Variants in KLHL1 observed in about 807,000 individuals in gnomAD.
KLHL1 encodes the protein kelch like family member 1.
A neutral mutation model predicts 77.7 loss-of-function variants in KLHL1; 47 were observed. The observed-to-expected ratio is 0.60, with a 90% CI of 0.48 to 0.77. The LOEUF is 0.77. Among genes scored for constraint, KLHL1 ranks in the 30% least tolerant of loss-of-function variants. KLHL1 has a pLI of 0.00. For synonymous variants in KLHL1, 360 were observed against 325.2 expected (o/e 1.11, Z -1.15); for missense variants, 925 against 910.8 (o/e 1.02, Z -0.20).
At chr13:69,961,937 G>A (rs1319546755) in intron 2 of KLHL1, among the ~76,000 whole-genome samples, 2 of 151,802 alleles carry the variant, frequency 1.3e-5, no homozygotes, top group African/African-American at 4.8e-5. Context: ...TTAACTATTA[G>A]TAACATATTA....
chr13:70,063,435 A>T (rs938794236), intron 1 of KLHL1, among the ~76,000 whole-genome samples: 10 of 152,212 alleles, frequency 6.6e-5, no homozygotes, highest in African/African-American at 2.4e-4. Flanking sequence ...ATGGCTTCTG[A>T]CTTGATCACT....
chr13:70,069,815 G>T (rs1006758204), intron 1 of KLHL1, among the ~76,000 whole-genome samples: 1 of 151,352 alleles, frequency 6.6e-6, no homozygotes, highest in Non-Finnish European at 1.5e-5. Context: ...CAAAGCTGTG[G>T]GACAATTACA....
intron 1 of KLHL1, among the ~76,000 whole-genome samples, chr13:70,026,191 T>A (rs2137359106): frequency 6.6e-6 from 1 of 152,222 alleles, no homozygotes; most frequent in East Asian, 1.9e-4. Context: ...CAAAGAGGGC[T>A]CCACACAGAA....
intron 1 of KLHL1, among the ~76,000 whole-genome samples, chr13:70,017,650 G>T (rs1885691304): frequency 6.6e-6 from 1 of 152,190 alleles, no homozygotes; most frequent in South Asian, 2.1e-4. Flanking sequence ...GCAGGTATGA[G>T]CAATACTCAG....
chr13:69,824,367 A>T (rs931494173), intron 6 of KLHL1, among the ~76,000 whole-genome samples: 11 of 152,074 alleles, frequency 7.2e-5, no homozygotes, highest in Non-Finnish European at 1.2e-4. Context: ...GTTCCCAAAA[A>T]GTAAGATGAT....
chr13:70,016,112 C>A (rs1444708531), intron 1 of KLHL1, among the ~76,000 whole-genome samples: 1 of 152,140 alleles, frequency 6.6e-6, no homozygotes, highest in Non-Finnish European at 1.5e-5. Context: ...GAAAGAACAC[C>A]CTCAAAAACA....
Position 69,980,899 on chromosome 13 carries a change from A to T in KLHL1, c.498-5097T>A, listed in dbSNP as rs143812283. Among the ~76,000 whole-genome samples, 213 of 152,286 alleles carry T rather than the reference A, an allele frequency of 1.4e-3. 1 individual carries two copies. The highest frequency in any genetic ancestry group is 5.0e-3 in the African/African-American group (206 of 41,570). ...TAAATGCATAAATATATTCTATGAC[A>T]AGATGGTTTGGTCAGATACTAATTT... On this transcript the variant is annotated intron_variant, in intron 1 of 10. Coordinates refer to ENST00000377844, the MANE Select transcript of KLHL1 (RefSeq NM_020866.3).
chr13:69,983,016 A>T (rs931569709), intron 1 of KLHL1, among the ~76,000 whole-genome samples: 5 of 152,172 alleles, frequency 3.3e-5, no homozygotes, highest in Admixed American at 2.0e-4. Flanking sequence ...AAGTTTCAAG[A>T]TATAAAATCA....
intron 4 of KLHL1, among the ~76,000 whole-genome samples, chr13:69,889,352 T>A (rs950004206): frequency 1.3e-5 from 2 of 152,012 alleles, no homozygotes; most frequent in Non-Finnish European, 2.9e-5. Flanking sequence ...CACAACTTGT[T>A]ATTTTACCGG....
chr13:69,703,351 G>GA (rs571509173), intron 10 of KLHL1, among the ~76,000 whole-genome samples: 2 of 149,984 alleles, frequency 1.3e-5, no homozygotes, highest in Non-Finnish European at 1.5e-5. Flanking sequence ...AGGATATAAA[G>GA]AAAAAAAATT....
chr13:69,774,821 T>C (rs530119091), intron 7 of KLHL1, among the ~76,000 whole-genome samples: 1 of 152,320 alleles, frequency 6.6e-6, no homozygotes, highest in South Asian at 2.1e-4. Flanking sequence ...TTATCTTTTA[T>C]TGTACAAGTC....
Position 69,955,310 on chromosome 13 carries a change from G to A in KLHL1, c.817+5998C>T, listed in dbSNP as rs182001577. Among the ~76,000 whole-genome samples the A allele has an allele frequency of 9.2e-4, 140 of 151,438 alleles. 1 individual carries two copies. Among genetic ancestry groups the A allele is most frequent in the Non-Finnish European group, 2.1e-4 (14 of 67,468 alleles). On this transcript the variant is annotated intron_variant, in intron 3 of 10. Transcript: ENST00000377844. ...ATTTATTTCATTCAAATGTTTGGCA[G>A]TAAGCAGAAGCTATCTTAACATTTC...
At chr13:69,798,945 C>T (rs917425239) in intron 6 of KLHL1, among the ~76,000 whole-genome samples, 3 of 151,868 alleles carry the variant, frequency 2.0e-5, no homozygotes, top group Admixed American at 1.3e-4. Flanking sequence ...ATAAAATAGC[C>T]GGGCATGGTG....
intron 1 of KLHL1, among the ~76,000 whole-genome samples, chr13:70,052,354 G>T (rs1257685257): frequency 6.6e-6 from 1 of 151,528 alleles, no homozygotes; most frequent in African/African-American, 2.4e-5. Context: ...AAATATTTAA[G>T]TTATCTATCA....
At chr13:69,957,777 G>T (rs139820029) in intron 3 of KLHL1, among the ~76,000 whole-genome samples, 27 of 151,818 alleles carry the variant, frequency 1.8e-4, no homozygotes, top group African/African-American at 6.5e-4. Flanking sequence ...ATCACAAGCA[G>T]ATTTTCTAGT....
chr13:70,036,538 T>G (rs1886243040), intron 1 of KLHL1, among the ~76,000 whole-genome samples: 1 of 151,962 alleles, frequency 6.6e-6, no homozygotes, highest in African/African-American at 2.4e-5. Context: ...GGTGTATATA[T>G]GAAATGTTTT....
chr13:70,032,815 T>C (rs899168258), intron 1 of KLHL1, among the ~76,000 whole-genome samples: 1 of 152,194 alleles, frequency 6.6e-6, no homozygotes, highest in African/African-American at 2.4e-5. Flanking sequence ...TTTTCAAATG[T>C]CATAATTGAA....
Position 69,940,059 on chromosome 13 carries a change from A to C in KLHL1, c.995T>G (p.Val332Gly). 6.2e-7 allele frequency: 1 copy of C among 1,607,474 alleles called. No homozygotes were observed. The highest frequency in any genetic ancestry group is 8.5e-7 in the Non-Finnish European group (1 of 1,176,938). ...DAQGCIELMK[V>G]AHSYTMENIM... ...CCTTACCATTGTGTAGCTGTGGGCCACCTTCATTAACTCAATGCATCCTTG... is the reference window on the plus strand; with the variant it reads ...CCTTACCATTGTGTAGCTGTGGGCCCCCTTCATTAACTCAATGCATCCTTG... The change falls in exon 4 of 11, where the codon GTG becomes GGG. Residue 332 changes from valine (V) to glycine (G), a missense_variant. Coordinates refer to ENST00000377844, the MANE Select transcript of KLHL1 (RefSeq NM_020866.3).
At chr13:69,736,993 T>C (rs985183954) in intron 8 of KLHL1, among the ~76,000 whole-genome samples, 1 of 151,890 alleles carries the variant, frequency 6.6e-6, no homozygotes, top group Non-Finnish European at 1.5e-5. Flanking sequence ...AGGTACCAAT[T>C]TTCTCTTATT....
Sources: allele counts gnomAD v4.1 joint callset (sites outside exome capture counted in the v4.1 genomes callset), GRCh38; gene constraint gnomAD v4.1.1; transcripts MANE v1.5; gene names NCBI Gene and HGNC (gene_info 2026-07-23, HGNC 2026-07-21).